BTD: variants seen among roughly 807,000 people sequenced by gnomAD.
The protein encoded by BTD is biocytinase.
In BTD, 13 loss-of-function variants were observed where a neutral mutation model predicts 17.7. That is an observed-to-expected ratio of 0.74 (90% CI 0.48 to 1.17). BTD has a LOEUF of 1.17. Among genes scored for constraint, BTD ranks in the 50% most tolerant of loss-of-function variants. The probability of loss-of-function intolerance (pLI) is 0.00; values close to 1 mark genes in which losing one functional copy is unlikely to be tolerated. For missense variants in BTD, 674 were observed against 650.4 expected (o/e 1.04, Z -0.39); for synonymous variants, 240 against 245.2 (o/e 0.98, Z 0.20).
exon 4 of BTD, among the ~76,000 whole-genome samples, chr3:15,712,506 A>G (rs936510404): frequency 2.0e-5 from 3 of 152,210 alleles, no homozygotes; most frequent in African/African-American, 7.2e-5. Flanking sequence ...GCTGTTCAGC[A>G]GCATCCCTGG....
intron 3 of BTD, chr3:15,683,858 A>T (rs2067805681): frequency 6.6e-6 from 1 of 152,224 alleles, no homozygotes; most frequent in African/African-American, 2.4e-5. Flanking sequence ...GAAACAGCAT[A>T]TTATAGAAAG....
chr3:15,719,770 G>A (rs944060524), intron 4 of BTD, among the ~76,000 whole-genome samples: 7 of 152,130 alleles, frequency 4.6e-5, no homozygotes, highest in South Asian at 2.1e-4. Context: ...GCCCAGGCTG[G>A]TCTTGAACTC....
At chr3:15,675,918 A>T in intron 3 of BTD, 1 of 1,611,632 alleles carries the variant, frequency 6.2e-7, no homozygotes, top group Non-Finnish European at 8.5e-7. Flanking sequence ...TACTGCAAGC[A>T]CACTTGCTCC....
chr3:15,685,242 G>A, intron 3 of BTD: 1 of 1,613,956 alleles, frequency 6.2e-7, no homozygotes, highest in African/African-American at 1.3e-5. Context: ...AGCAAGCCCA[G>A]TGAAGTGCCG....
chr3:15,710,110 C>T (rs934656598), exon 4 of BTD, among the ~76,000 whole-genome samples: 2 of 151,128 alleles, frequency 1.3e-5, no homozygotes, highest in African/African-American at 2.4e-5. Flanking sequence ...CCATAGCTAA[C>T]GGCAGCCTCC....
intron 1 of BTD, among the ~76,000 whole-genome samples, chr3:15,626,796 GA>G (rs1418285475): frequency 7.6e-6 from 1 of 132,356 alleles, no homozygotes; most frequent in South Asian, 2.3e-4. Flanking sequence ...AAAAAAAAAA[GA>G]AAAGAAAAGA....
upstream of BTD, chr3:15,601,642 G>T: frequency 1.3e-6 from 2 of 1,553,694 alleles, no homozygotes; most frequent in Non-Finnish European, 1.7e-6. Context: ...CCACTTCCCG[G>T]GAGAGGTGAG....
rs2065698918 is a variant in BTD, at chr3:15,646,530, A to G, written c.*1042A>G. 1 of 152,242 alleles carries G rather than the reference A, an allele frequency of 6.6e-6. No individual in the cohort carries two copies. The highest frequency in any genetic ancestry group is 1.5e-5 in the Non-Finnish European group (1 of 68,040). 9.4% of individuals were successfully genotyped at this position (152,242 alleles called of 1,614,324 possible). ...AGAGCAGGAGCTTCCCATGTTAGGAATTCCAGATGCAAAATTATCAGACTC... is the reference window on the plus strand; with the variant it reads ...AGAGCAGGAGCTTCCCATGTTAGGAGTTCCAGATGCAAAATTATCAGACTC... On this transcript the variant is annotated 3_prime_UTR_variant, in exon 4 of 4. Coordinates refer to ENST00000643237, the MANE Select transcript of BTD (RefSeq NM_001370658.1).
intron 1 of BTD, among the ~76,000 whole-genome samples, chr3:15,631,699 A>C (rs1025820911): frequency 6.6e-6 from 1 of 152,172 alleles, no homozygotes; most frequent in Non-Finnish European, 1.5e-5. Flanking sequence ...CAGGATGCTT[A>C]CTTCAAGATG....
At chr3:15,625,846 C>G (rs964651445) in intron 1 of BTD, among the ~76,000 whole-genome samples, 1 of 152,192 alleles carries the variant, frequency 6.6e-6, no homozygotes, top group African/African-American at 2.4e-5. Context: ...TGAGCCACCA[C>G]GCCTGGCCCA....
At chr3:15,656,946 A>G (rs2065876740), downstream of BTD, among the ~76,000 whole-genome samples, 1 of 152,064 alleles carries the variant, frequency 6.6e-6, no homozygotes, top group Non-Finnish European at 1.5e-5. Context: ...TATGCAGCCC[A>G]CCTCTTTCTG....
chr3:15,628,901 C>A (rs1180803092), intron 1 of BTD, among the ~76,000 whole-genome samples: 1 of 151,870 alleles, frequency 6.6e-6, no homozygotes, highest in Non-Finnish European at 1.5e-5. Flanking sequence ...ACCATATTGC[C>A]CCCCACCTTT....
intron 3 of BTD, among the ~76,000 whole-genome samples, chr3:15,699,299 A>G (rs2070186565): frequency 6.6e-6 from 1 of 152,168 alleles, no homozygotes; most frequent in South Asian, 2.1e-4. Flanking sequence ...CTATTAGAAA[A>G]CCTAGGGCAT....
chr3:15,622,288 T>G (rs1282834143), intron 1 of BTD, among the ~76,000 whole-genome samples: 1 of 152,238 alleles, frequency 6.6e-6, no homozygotes, highest in Non-Finnish European at 1.5e-5. Context: ...ACATTTCTCT[T>G]GAGATTTCTT....
chr3:15,637,071 G>A (rs1184038335), intron 2 of BTD, among the ~76,000 whole-genome samples: 1 of 152,110 alleles, frequency 6.6e-6, no homozygotes, highest in Non-Finnish European at 1.5e-5. Context: ...AGAGCTAAAG[G>A]GAGCAGGACC....
At chr3:15,678,758 G>A (rs1177125336) in intron 3 of BTD, among the ~76,000 whole-genome samples, 1 of 152,026 alleles carries the variant, frequency 6.6e-6, no homozygotes, top group Non-Finnish European at 1.5e-5. Context: ...AAACAAATTC[G>A]AAAGAGAGGG....
At chr3:15,709,335 G>C (rs974314686) in intron 3 of BTD, among the ~76,000 whole-genome samples, 1 of 152,054 alleles carries the variant, frequency 6.6e-6, no homozygotes, top group African/African-American at 2.4e-5. Flanking sequence ...TTATTTTCTA[G>C]GTATTGTGAG....
chr3:15,640,422 A>T (rs1477057141), intron 2 of BTD, among the ~76,000 whole-genome samples: 1 of 144,644 alleles, frequency 6.9e-6, no homozygotes, highest in African/African-American at 2.6e-5. Context: ...GTGGAGTTTC[A>T]CTTTGTCACC....
intron 3 of BTD, among the ~76,000 whole-genome samples, chr3:15,701,547 G>A (rs972796911): frequency 3.9e-5 from 6 of 152,054 alleles, no homozygotes; most frequent in African/African-American, 1.5e-4. Context: ...GGGAGGCTGA[G>A]GCAGGAGAAT....
Sources: allele counts gnomAD v4.1 joint callset (sites outside exome capture counted in the v4.1 genomes callset), GRCh38; gene constraint gnomAD v4.1.1; transcripts MANE v1.5; gene names NCBI Gene and HGNC (gene_info 2026-07-23, HGNC 2026-07-21).